RBFOX3: variants seen among roughly 807,000 people sequenced by gnomAD.
The protein encoded by RBFOX3 is RNA binding fox-1 homolog 3.
In RBFOX3, 17 loss-of-function variants were observed where a neutral mutation model predicts 48.7. The observed-to-expected ratio is 0.35, with a 90% CI of 0.24 to 0.52. The LOEUF is 0.52. Ranked by LOEUF, RBFOX3 falls within the 20% of genes least tolerant of loss-of-function variation. The probability of loss-of-function intolerance (pLI) is 0.94; values close to 1 mark genes in which losing one functional copy is unlikely to be tolerated. For missense variants in RBFOX3, 382 were observed against 497.5 expected, an observed-to-expected ratio of 0.77 and a Z score of 2.21; for synonymous variants, 212 against 209.5, an observed-to-expected ratio of 1.01 and a Z score of -0.10.
chr17:79,143,532 C>G (rs1182928433), intron 4 of RBFOX3, among the ~76,000 whole-genome samples: 1 of 152,208 alleles, frequency 6.6e-6, no homozygotes, highest in Admixed American at 6.5e-5. Context: ...TCGCCACTAC[C>G]CTGTGCAGAG....
At chr17:79,420,360 C>T (rs566889893) in intron 2 of RBFOX3, among the ~76,000 whole-genome samples, 1 of 152,306 alleles carries the variant, frequency 6.6e-6, no homozygotes, top group East Asian at 1.9e-4. Context: ...AACATATGTG[C>T]AGCACCAAGT....
rs192614230 is a variant in RBFOX3 at position 79,317,027 on chromosome 17, T to C, written c.-174-9203A>G. ...ACAGATGTGCACGGACACGTGCACA[T>C]ACACATCCTTCAAAGAAAGGAGCTG... On this transcript the variant is annotated intron_variant, in intron 2 of 14. Coordinates refer to ENST00000693108, the MANE Select transcript of RBFOX3 (RefSeq NM_001350451.2). 3.3e-4 allele frequency among the ~76,000 whole-genome samples: 50 copies of C among 152,186 alleles called. 1 individual carries two copies. The East Asian group carries it at 8.9e-3, about 27-fold the overall frequency.
chr17:79,521,435 CACACATAGGCACAG>C (rs1340205799), intron 1 of RBFOX3, among the ~76,000 whole-genome samples: 7,044 of 152,094 alleles, frequency 0.046, 300 homozygotes, highest in African/African-American at 0.11. Flanking sequence ...CACTCTCATA[CACACATAGGCACAG>C]ACACATACAC....
intron 1 of RBFOX3, among the ~76,000 whole-genome samples, chr17:79,529,808 G>A (rs2087423430): frequency 6.6e-6 from 1 of 152,196 alleles, no homozygotes; most frequent in East Asian, 1.9e-4. Flanking sequence ...AAGAGGGGCT[G>A]GCAAACTCCG....
chr17:79,292,414 A>C (rs11657495), intron 3 of RBFOX3, among the ~76,000 whole-genome samples: 19,844 of 152,064 alleles, frequency 0.13, 1,381 homozygotes, highest in East Asian at 0.27. Context: ...CCCACTAACC[A>C]AGAGCAACCA....
intron 1 of RBFOX3, among the ~76,000 whole-genome samples, chr17:79,508,489 G>T (rs1300477989): frequency 6.6e-6 from 1 of 152,178 alleles, no homozygotes; most frequent in African/African-American, 2.4e-5. Flanking sequence ...TCTTCTCAGT[G>T]CCTCCCTCCT....
At chr17:79,387,551 G>A (rs150580263) in intron 2 of RBFOX3, among the ~76,000 whole-genome samples, 2,442 of 152,368 alleles carry the variant, frequency 0.016, 30 homozygotes, top group Non-Finnish European at 0.024. Context: ...CGCATGGGCT[G>A]GATGAGAAAG....
chr17:79,463,179 C>CCATCGCCACTGCCACCGG (rs1568294345), intron 2 of RBFOX3, among the ~76,000 whole-genome samples: 2 of 136,878 alleles, frequency 1.5e-5, no homozygotes, highest in Non-Finnish European at 1.7e-5. Context: ...ACCTCCACCG[C>CCATCGCCACTGCCACCGG]CATCGCCACT....
At chr17:79,530,351 A>C (rs1217644178) in intron 1 of RBFOX3, among the ~76,000 whole-genome samples, 1 of 152,126 alleles carries the variant, frequency 6.6e-6, no homozygotes, top group Non-Finnish European at 1.5e-5. Flanking sequence ...TCTGCGAATA[A>C]ATCCCCCACG....
intron 1 of RBFOX3, among the ~76,000 whole-genome samples, chr17:79,484,620 A>T (rs1343273011): frequency 2.0e-5 from 3 of 151,946 alleles, no homozygotes; most frequent in Admixed American, 6.6e-5. Context: ...TAGAGGACTC[A>T]GGTGGAGGTG....
Position 79,361,753 on chromosome 17 carries a change from A to G in RBFOX3, c.-174-53929T>C, listed in dbSNP as rs1008911667. 1.3e-5 allele frequency among the ~76,000 whole-genome samples: 2 copies of G among 152,220 alleles called. No individual in the cohort carries two copies. Among genetic ancestry groups the G allele is most frequent in the Admixed American group, 6.5e-5 (1 of 15,288 alleles). ...GTGTGTGCGCTGTGCAGGGGTACCC[A>G]GTGTAACTGCCTGCACTTATTTATT... On this transcript the variant is annotated intron_variant, in intron 2 of 14. Coordinates refer to ENST00000693108, the MANE Select transcript of RBFOX3 (RefSeq NM_001350451.2). This position sits in a 1 kb window ranked among gnomAD's most constrained non-coding sequence, Gnocchi z 4.5.
intron 3 of RBFOX3, among the ~76,000 whole-genome samples, chr17:79,248,240 G>GT (rs1156264022): frequency 1.9e-3 from 279 of 148,668 alleles, no homozygotes; most frequent in African/African-American, 5.6e-3. Context: ...GTGTGTGTGT[G>GT]TTTTTTTTTT....
chr17:79,398,454 T>C (rs1477328484), intron 2 of RBFOX3, among the ~76,000 whole-genome samples: 1 of 151,962 alleles, frequency 6.6e-6, no homozygotes, highest in African/African-American at 2.4e-5. Context: ...GCGTTTAACA[T>C]ACGTACACCA....
intron 3 of RBFOX3, among the ~76,000 whole-genome samples, chr17:79,288,458 C>T (rs1287290334): frequency 6.6e-6 from 1 of 151,410 alleles, no homozygotes; most frequent in Non-Finnish European, 1.5e-5. Flanking sequence ...ATAACCACTG[C>T]CCCTTTCCAT....
intron 2 of RBFOX3, among the ~76,000 whole-genome samples, chr17:79,468,448 G>A (rs1395848572): frequency 2.0e-5 from 3 of 152,094 alleles, no homozygotes; most frequent in Non-Finnish European, 4.4e-5. Flanking sequence ...TGAACAGACA[G>A]ACAATAGATC....
intron 1 of RBFOX3, among the ~76,000 whole-genome samples, chr17:79,553,918 G>C (rs2143751934): frequency 6.6e-6 from 1 of 152,194 alleles, no homozygotes; most frequent in South Asian, 2.1e-4. Context: ...ATTTTTAGTA[G>C]AGATAGGGTT....
intron 2 of RBFOX3, among the ~76,000 whole-genome samples, chr17:79,385,902 C>T (rs2148040031): frequency 6.8e-6 from 1 of 147,518 alleles, no homozygotes; most frequent in Admixed American, 6.8e-5. Context: ...GTTCCATCAC[C>T]TCCCATTAGA....
At chr17:79,150,364 G>A (rs2044150713) in intron 4 of RBFOX3, among the ~76,000 whole-genome samples, 1 of 152,054 alleles carries the variant, frequency 6.6e-6, no homozygotes, top group South Asian at 2.1e-4. Flanking sequence ...GACAGTAGAG[G>A]CCTGGCCGTT....
chr17:79,152,978 G>A (rs542248580), intron 4 of RBFOX3, among the ~76,000 whole-genome samples: 7 of 152,332 alleles, frequency 4.6e-5, no homozygotes, highest in African/African-American at 1.7e-4. Flanking sequence ...GGTGGCTGCG[G>A]TCGGGTGGGC....
Sources: allele counts gnomAD v4.1 joint callset (sites outside exome capture counted in the v4.1 genomes callset), GRCh38; gene constraint gnomAD v4.1.1; non-coding constraint Gnocchi (gnomAD v3.1); transcripts MANE v1.5; gene names NCBI Gene and HGNC (gene_info 2026-07-23, HGNC 2026-07-21).